Variants in TSPAN17 observed in about 807,000 individuals in gnomAD.
TSPAN17 encodes tetraspanin-17.
A neutral mutation model predicts 40.5 loss-of-function variants in TSPAN17; 33 were observed. The observed-to-expected ratio is 0.81, with a 90% CI of 0.62 to 1.09. The LOEUF (loss-of-function observed/expected upper bound fraction) is 1.09, where lower values mean the gene tolerates loss of function less well. Among genes scored for constraint, TSPAN17 ranks in the 50% least tolerant of loss-of-function variants. The pLI is 0.00. For synonymous variants in TSPAN17, 166 were observed against 169.4 expected, an observed-to-expected ratio of 0.98 and a Z score of 0.15; for missense variants, 365 against 416.8, an observed-to-expected ratio of 0.88 and a Z score of 1.08.
intron 1 of TSPAN17, among the ~76,000 whole-genome samples, chr5:176,648,138 C>G (rs1037074798): frequency 2.6e-5 from 4 of 152,210 alleles, no homozygotes; most frequent in Non-Finnish European, 4.4e-5. Context: ...CCCCGGCCTC[C>G]TTTCCCTTCC....
chr5:176,648,541 T>C (rs1050824866), intron 1 of TSPAN17, among the ~76,000 whole-genome samples: 1 of 152,250 alleles, frequency 6.6e-6, no homozygotes, highest in African/African-American at 2.4e-5. Context: ...TTTTCCCTTG[T>C]GTTCAGCAAG....
At chr5:176,652,375 C>T (rs1761001633) in intron 3 of TSPAN17, among the ~76,000 whole-genome samples, 1 of 152,204 alleles carries the variant, frequency 6.6e-6, no homozygotes, top group South Asian at 2.1e-4. Context: ...CTGGACCAAT[C>T]CCTGGAGGCC....
intron 1 of TSPAN17, among the ~76,000 whole-genome samples, chr5:176,649,026 G>A (rs1447769519): frequency 1.3e-5 from 2 of 152,122 alleles, no homozygotes; most frequent in African/African-American, 2.4e-5. Context: ...TGAGAGACCC[G>A]GGTTTGTTGC....
chr5:176,654,847 C>T lies in TSPAN17; in HGVS notation c.457-48C>T. On this transcript the variant is annotated intron_variant, in intron 4 of 8. Coordinates refer to ENST00000508164, the MANE Select transcript of TSPAN17 (RefSeq NM_130465.5). This position sits in a 1 kb window ranked among gnomAD's most constrained non-coding sequence, Gnocchi z 4.3. ...GGGCTTGTTCCCAAACAGGGTGAGG[C>T]TCCTGGGATGGGCCTGGCTCACCTG... 2.5e-6 allele frequency: 4 copies of T among 1,605,476 alleles called. No individual in the cohort carries two copies. The highest frequency in any genetic ancestry group is 3.4e-6 in the Non-Finnish European group (4 of 1,175,694).
At chr5:176,653,706 C>G (rs1050927920) in intron 4 of TSPAN17, 2 of 152,240 alleles carry the variant, frequency 1.3e-5, no homozygotes, top group African/African-American at 4.8e-5. Flanking sequence ...AGCTCTGGAT[C>G]CAGAGGTGAA....
At chr5:176,648,577 C>T (rs534126905) in intron 1 of TSPAN17, among the ~76,000 whole-genome samples, 5 of 152,368 alleles carry the variant, frequency 3.3e-5, no homozygotes, top group Admixed American at 6.5e-5. Flanking sequence ...CCCCCACCCA[C>T]GTGTCACCGA....
intron 8 of TSPAN17, 194 bp downstream of exon 8, chr5:176,657,150 T>C: frequency 1.5e-6 from 1 of 648,620 alleles, no homozygotes; most frequent in Non-Finnish European, 2.6e-6. Context: ...CGCCTGGGCC[T>C]CTTGTCCCAT....
intron 1 of TSPAN17, 152 bp downstream of exon 1, chr5:176,647,854 C>T (rs1428990929): frequency 2.8e-6 from 2 of 710,746 alleles, no homozygotes; most frequent in Non-Finnish European, 4.4e-6. Flanking sequence ...CTTCCAGGAC[C>T]ACCCGAGGTA....
Position 176,651,213 on chromosome 5 carries a change from G to T in TSPAN17, c.88-403G>T, listed in dbSNP as rs1324034008. On this transcript the variant is annotated intron_variant, in intron 1 of 8. Transcript: ENST00000508164. This position sits in a 1 kb window ranked among gnomAD's most constrained non-coding sequence, Gnocchi z 4.5. ...TTAGGGTAGCAGGAGAGCTGGACTT[G>T]GCAGGGTGCAGAAAGGAGGCTAGGA... Among the ~76,000 whole-genome samples the T allele has an allele frequency of 6.6e-6, 1 of 152,180 alleles. No individual in the cohort carries two copies. Among genetic ancestry groups the T allele is most frequent in the African/African-American group, 2.4e-5 (1 of 41,432 alleles).
Position 176,655,734 on chromosome 5 carries a change from C to CAAAA in TSPAN17, c.583-330_583-327dup, listed in dbSNP as rs11420495. On this transcript the variant is annotated intron_variant, in intron 5 of 8. Transcript: ENST00000508164. Reference sequence around the variant, plus strand: ...GCGGCACAGTGAGACCTCGTGTCTACAAAAAAAAAAAAAAAAATTAGACGG... The same window carrying CAAAA: ...GCGGCACAGTGAGACCTCGTGTCTACAAAAAAAAAAAAAAAAAAAAATTAGACGG... Among the ~76,000 whole-genome samples the CAAAA allele has an allele frequency of 7.9e-4, 100 of 125,840 alleles. 1 individual carries two copies. In the East Asian group the frequency reaches 0.022, roughly 28 times the overall value. The allele number at this position is 125,840 out of a possible 152,430, so 82.6% of individuals were successfully genotyped here.
intron 1 of TSPAN17, among the ~76,000 whole-genome samples, chr5:176,648,588 G>A (rs1760840108): frequency 6.6e-6 from 1 of 152,250 alleles, no homozygotes; most frequent in African/African-American, 2.4e-5. Flanking sequence ...GTGTCACCGA[G>A]CTCACTGGTG....
rs771334875 is a variant in TSPAN17 at position 176,654,995 on chromosome 5, TCTC to T, written c.560_562del (p.Ser187del). 11 of 1,609,206 alleles carry T rather than the reference TCTC, an allele frequency of 6.8e-6. No individual in the cohort carries two copies. Among genetic ancestry groups the T allele is most frequent in the Non-Finnish European group, 7.6e-6 (9 of 1,177,806 alleles). ...AGCCGGGAGCGCTGCGGGGTGCCCT[TCTC>T]CTGCTGCGTCAGGGACCCTGCGGTG... is the stretch of plus-strand genomic sequence containing the variant. On this transcript the variant is annotated inframe_deletion, in exon 5 of 9. Coordinates refer to ENST00000508164, the MANE Select transcript of TSPAN17 (RefSeq NM_130465.5). The surrounding 1 kb of genome is among the most constrained non-coding windows in gnomAD (Gnocchi z 4.3).
Position 176,657,765 on chromosome 5 carries a change from C to G in TSPAN17, c.*67C>G. 2 of 1,520,304 alleles carry G rather than the reference C, an allele frequency of 1.3e-6. No homozygotes were observed. Among genetic ancestry groups the G allele is most frequent in the Non-Finnish European group, 1.8e-6 (2 of 1,138,534 alleles). 94.2% of individuals were successfully genotyped at this position (1,520,304 alleles called of 1,614,324 possible). On this transcript the variant is annotated 3_prime_UTR_variant, in exon 9 of 9. Coordinates refer to ENST00000508164, the MANE Select transcript of TSPAN17 (RefSeq NM_130465.5). ...TGACCACCTGGCTACGCCGGCTCTT[C>G]GGTGGCAACACTACCTGGGACACTG...
In TSPAN17 at chr5:176,657,923, C is replaced by G. The variant is rs2113481235; in HGVS notation, c.*225C>G. The G allele has an allele frequency of 1.4e-6, 1 of 708,848 alleles. No individual in the cohort carries two copies. Among genetic ancestry groups the G allele is most frequent in the South Asian group, 2.6e-5 (1 of 37,738 alleles). 43.9% of individuals were successfully genotyped at this position (708,848 alleles called of 1,614,324 possible). A position where few individuals can be genotyped will look rare whatever the true frequency, so the allele number is the denominator to read the frequency against. On this transcript the variant is annotated 3_prime_UTR_variant, in exon 9 of 9. Coordinates refer to ENST00000508164, the MANE Select transcript of TSPAN17 (RefSeq NM_130465.5). The stretch of plus-strand genomic sequence containing the variant: ...CACCTCGAGGCCGCTGCGGGCCAAT[C>G]TGGAGTGAAACACGGGGACCTGAAG...
At chr5:176,649,183 TG>T (rs1032543724) in intron 1 of TSPAN17, among the ~76,000 whole-genome samples, 1 of 149,578 alleles carries the variant, frequency 6.7e-6, no homozygotes, top group Admixed American at 6.6e-5. Context: ...AGGTTTGGAA[TG>T]GGGGCAGGGC....
Position 176,654,867 on chromosome 5 carries a change from C to A in TSPAN17, c.457-28C>A. 1.2e-6 allele frequency: 2 copies of A among 1,611,948 alleles called. No individual in the cohort carries two copies. Among genetic ancestry groups the A allele is most frequent in the South Asian group, 1.1e-5 (1 of 90,652 alleles). On this transcript the variant is annotated intron_variant, in intron 4 of 8. Coordinates refer to ENST00000508164, the MANE Select transcript of TSPAN17 (RefSeq NM_130465.5). This position sits in a 1 kb window ranked among gnomAD's most constrained non-coding sequence, Gnocchi z 4.3. ...TGAGGCTCCTGGGATGGGCCTGGCTCACCTGGGGCTCTCCCCTGCCCCCAC... is the reference window on the plus strand; with the variant it reads ...TGAGGCTCCTGGGATGGGCCTGGCTAACCTGGGGCTCTCCCCTGCCCCCAC...
intron 1 of TSPAN17, among the ~76,000 whole-genome samples, chr5:176,649,942 CCT>C (rs1760900039): frequency 1.3e-5 from 2 of 152,204 alleles, no homozygotes; most frequent in Admixed American, 6.5e-5. Flanking sequence ...TCCCTTCTGC[CCT>C]CTCTAAAGCT....
intron 1 of TSPAN17, among the ~76,000 whole-genome samples, chr5:176,648,976 G>A (rs774273454): frequency 2.0e-5 from 3 of 152,218 alleles, no homozygotes; most frequent in Non-Finnish European, 4.4e-5. Context: ...AGGCAGAGCT[G>A]TGAGCAGAAG....
chr5:176,654,597 G>A lies in TSPAN17; in HGVS notation c.457-298G>A, dbSNP rs1761082567. The A allele has an allele frequency of 2.8e-6, 1 of 362,050 alleles. No individual in the cohort carries two copies. The highest frequency in any genetic ancestry group is 4.3e-5 in the Admixed American group (1 of 23,400). 22.4% of individuals were successfully genotyped at this position (362,050 alleles called of 1,614,324 possible). A position where few individuals can be genotyped will look rare whatever the true frequency, so the allele number is the denominator to read the frequency against. On this transcript the variant is annotated intron_variant, in intron 4 of 8. Coordinates refer to ENST00000508164, the MANE Select transcript of TSPAN17 (RefSeq NM_130465.5). This position sits in a 1 kb window ranked among gnomAD's most constrained non-coding sequence, Gnocchi z 4.3. ...GGCTTGGCCCAGCGCCTGCCTCTCA[G>A]GTAGTCTGGAGGAAGCCACAGTCAT...
Sources: allele counts gnomAD v4.1 joint callset (sites outside exome capture counted in the v4.1 genomes callset), GRCh38; gene constraint gnomAD v4.1.1; non-coding constraint Gnocchi (gnomAD v3.1); transcripts MANE v1.5; gene names NCBI Gene and HGNC (gene_info 2026-07-23, HGNC 2026-07-21).